The following GPC6 variants were observed in gnomAD, a reference collection of about 807,000 sequenced individuals.
GPC6 encodes the protein glypican-6.
In GPC6, 14 loss-of-function variants were observed where a neutral mutation model predicts 55.2. The observed-to-expected ratio is 0.25, with a 90% confidence interval of 0.17 to 0.40. The LOEUF (loss-of-function observed/expected upper bound fraction) is 0.40, where lower values mean the gene tolerates loss of function less well. GPC6 is among the 10% of genes least tolerant of loss of function. The pLI is 1.00. For synonymous variants in GPC6, 278 were observed against 259.6 expected (o/e 1.07, Z -0.68); for missense variants, 641 against 708.5 (o/e 0.90, Z 1.08).
chr13:94,354,835 C>A (rs2139173019), intron 6 of GPC6, among the ~76,000 whole-genome samples: 1 of 152,294 alleles, frequency 6.6e-6, no homozygotes, highest in South Asian at 2.1e-4. Flanking sequence ...TTTCATTCAG[C>A]CCATGCTGTG....
intron 1 of GPC6, among the ~76,000 whole-genome samples, chr13:93,293,948 C>T (rs1878399213): frequency 6.6e-6 from 1 of 151,108 alleles, no homozygotes. Flanking sequence ...CAATTATCGT[C>T]CATTGTAATG....
chr13:93,304,594 T>A (rs1300762726), intron 1 of GPC6, among the ~76,000 whole-genome samples: 2 of 152,212 alleles, frequency 1.3e-5, no homozygotes, highest in East Asian at 3.9e-4. Context: ...ACATAGGAAC[T>A]GTTATTGAGA....
chr13:94,040,676 A>G (rs1039238392), intron 4 of GPC6, among the ~76,000 whole-genome samples: 4 of 151,904 alleles, frequency 2.6e-5, no homozygotes, highest in African/African-American at 9.7e-5. Context: ...AGGTTGCAGC[A>G]TGTGGCCAGA....
chr13:93,879,042 A>C (rs959658885), intron 3 of GPC6, among the ~76,000 whole-genome samples: 2 of 152,102 alleles, frequency 1.3e-5, no homozygotes, highest in Admixed American at 6.6e-5. Context: ...AAGAGTAGTC[A>C]AAAAAGCAAG....
intron 1 of GPC6, among the ~76,000 whole-genome samples, chr13:93,474,803 G>A (rs1486183205): frequency 6.6e-6 from 1 of 152,104 alleles, no homozygotes; most frequent in African/African-American, 2.4e-5. Context: ...CTTACCTGGG[G>A]TCGAAACTTT....
chr13:93,993,998 A>G (rs1343594720), intron 3 of GPC6, among the ~76,000 whole-genome samples: 1 of 152,194 alleles, frequency 6.6e-6, no homozygotes, highest in East Asian at 1.9e-4. Context: ...TGTGTTCTTT[A>G]TTTTAATTAA....
At chr13:93,994,263 A>G (rs952296497) in intron 3 of GPC6, among the ~76,000 whole-genome samples, 5 of 152,196 alleles carry the variant, frequency 3.3e-5, no homozygotes, top group Non-Finnish European at 5.9e-5. Context: ...GGTAAGGTTT[A>G]TTGCTATACC....
intron 1 of GPC6, among the ~76,000 whole-genome samples, chr13:93,320,603 G>A (rs1026776260): frequency 5.3e-5 from 8 of 151,452 alleles, no homozygotes; most frequent in African/African-American, 1.9e-4. Context: ...AACCATCTGG[G>A]AATATTTCTT....
chr13:93,972,469 A>T (rs919139143), intron 3 of GPC6, among the ~76,000 whole-genome samples: 3 of 152,030 alleles, frequency 2.0e-5, no homozygotes, highest in Non-Finnish European at 4.4e-5. Flanking sequence ...ATTTCTGGAG[A>T]TGTTTTGCAT....
chr13:94,161,953 G>T (rs1401511541), intron 4 of GPC6, among the ~76,000 whole-genome samples: 1 of 152,072 alleles, frequency 6.6e-6, no homozygotes, highest in Non-Finnish European at 1.5e-5. Flanking sequence ...CCAAGCAAAA[G>T]GGGAAACCAC....
At chr13:93,775,572 G>T (rs1022452673) in intron 2 of GPC6, among the ~76,000 whole-genome samples, 2 of 152,196 alleles carry the variant, frequency 1.3e-5, no homozygotes, top group African/African-American at 4.8e-5. Flanking sequence ...TGATCGTGGA[G>T]AAATAATAAG....
At chr13:93,443,393 C>T (rs534807478) in intron 1 of GPC6, among the ~76,000 whole-genome samples, 3 of 152,188 alleles carry the variant, frequency 2.0e-5, no homozygotes, top group South Asian at 2.1e-4. Flanking sequence ...AGGAGTCTGG[C>T]TATGTTAACT....
chr13:93,758,868 A>AATTTTTAATGTGGGGCTCTCTATGATCT (rs1323027199), intron 2 of GPC6, among the ~76,000 whole-genome samples: 2 of 152,114 alleles, frequency 1.3e-5, no homozygotes, highest in Non-Finnish European at 2.9e-5. Context: ...TCGCAGGTTT[A>AATTTTTAATGTGGGGCTCTCTATGATCT]ATTTTTAATG....
At chr13:93,578,235 T>C (rs1434012530) in intron 2 of GPC6, among the ~76,000 whole-genome samples, 3 of 152,130 alleles carry the variant, frequency 2.0e-5, no homozygotes, top group Non-Finnish European at 4.4e-5. Context: ...TTTGGAAGTA[T>C]TCCCTCCTGT....
intron 2 of GPC6, among the ~76,000 whole-genome samples, chr13:93,567,745 A>G (rs1298619409): frequency 2.0e-5 from 3 of 152,192 alleles, no homozygotes; most frequent in African/African-American, 7.2e-5. Flanking sequence ...ATACCAGTTA[A>G]ATTTTACCCT....
At chr13:93,691,273 T>C (rs1882245392) in intron 2 of GPC6, among the ~76,000 whole-genome samples, 3 of 152,150 alleles carry the variant, frequency 2.0e-5, no homozygotes, top group African/African-American at 7.2e-5. Context: ...ATTTTAGTTA[T>C]AATGTAGAGA....
intron 1 of GPC6, among the ~76,000 whole-genome samples, chr13:93,524,734 A>G (rs1881582436): frequency 6.6e-6 from 1 of 152,122 alleles, no homozygotes; most frequent in Non-Finnish European, 1.5e-5. Context: ...GCACTCAGCT[A>G]CATGTGCTTT....
chr13:93,976,167 T>C (rs79620301), intron 3 of GPC6, among the ~76,000 whole-genome samples: 4,396 of 152,270 alleles, frequency 0.029, 248 homozygotes, highest in African/African-American at 0.1. Flanking sequence ...ATATTCTTTC[T>C]ATGTCTCCTC....
chr13:93,450,758 C>A (rs917573828), intron 1 of GPC6: 5 of 927,548 alleles, frequency 5.4e-6, no homozygotes, highest in African/African-American at 1.8e-5. Context: ...TAAGGATGAA[C>A]CTTTAGGAAA....
Sources: gnomAD v4.1 joint callset for allele counts (sites outside exome capture counted in the v4.1 genomes callset) on GRCh38, gnomAD v4.1.1 for gene constraint, MANE v1.5 for transcripts, NCBI Gene and HGNC (gene_info 2026-07-23, HGNC 2026-07-21) for gene names.